PRKCE: variants seen among roughly 807,000 people sequenced by gnomAD.
PRKCE encodes the protein protein kinase C epsilon type.
Under a neutral mutation model 85.4 loss-of-function variants are expected in PRKCE, and 16 were observed. The observed-to-expected ratio is 0.19, with a 90% CI of 0.13 to 0.28. PRKCE has a LOEUF of 0.28. PRKCE is among the 10% of genes least tolerant of loss of function. The pLI, the probability that PRKCE is intolerant of heterozygous loss-of-function variation, is 1.00. For synonymous variants in PRKCE, 388 were observed against 371.5 expected (o/e 1.04, Z -0.51); for missense variants, 573 against 975.2 (o/e 0.59, Z 5.49).
In PRKCE at chr2:46,184,162, G is replaced by T. The variant is rs1037949758; in HGVS notation, c.2068-573G>T. 6.6e-6 allele frequency among the ~76,000 whole-genome samples: 1 copy of T among 152,160 alleles called. No homozygotes were observed. The highest frequency in any genetic ancestry group is 1.5e-5 in the Non-Finnish European group (1 of 68,032). ...TTGGTCTAGACAAAAGCATAAAAAC[G>T]TCATTGCAAGTCAATGTGCTGAGTT... On this transcript the variant is annotated intron_variant, in intron 14 of 14. Coordinates refer to ENST00000306156, the MANE Select transcript of PRKCE (RefSeq NM_005400.3). This position sits in a 1 kb window ranked among gnomAD's most constrained non-coding sequence, Gnocchi z 5.0.
At chr2:45,974,620 T>A (rs535567603) in intron 2 of PRKCE, among the ~76,000 whole-genome samples, 1 of 152,262 alleles carries the variant, frequency 6.6e-6, no homozygotes, top group South Asian at 2.1e-4. Context: ...TTTACCTCCT[T>A]CAATTTTACC....
intron 1 of PRKCE, among the ~76,000 whole-genome samples, chr2:45,827,609 C>T (rs1370831905): frequency 2.0e-5 from 3 of 152,192 alleles, no homozygotes; most frequent in African/African-American, 4.8e-5. Flanking sequence ...ATAATTTGTA[C>T]TTCAAAACTT....
chr2:45,729,808 G>A (rs1157250466), intron 1 of PRKCE, among the ~76,000 whole-genome samples: 5 of 152,140 alleles, frequency 3.3e-5, no homozygotes, highest in Non-Finnish European at 5.9e-5. Context: ...ATCCTTGACC[G>A]GAGGAAGAAC....
chr2:45,763,276 A>G (rs1684661838), intron 1 of PRKCE, among the ~76,000 whole-genome samples: 1 of 152,128 alleles, frequency 6.6e-6, no homozygotes, highest in Non-Finnish European at 1.5e-5. Flanking sequence ...TTCTTTGGCC[A>G]GTCTACATCT....
intron 2 of PRKCE, among the ~76,000 whole-genome samples, chr2:45,974,428 T>G (rs896372274): frequency 6.6e-6 from 1 of 152,086 alleles, no homozygotes; most frequent in African/African-American, 2.4e-5. Flanking sequence ...GAAACCCAGG[T>G]GGGCTAGGGG....
chr2:45,790,217 T>C (rs796571999), intron 1 of PRKCE, among the ~76,000 whole-genome samples: 3 of 152,336 alleles, frequency 2.0e-5, no homozygotes, highest in African/African-American at 7.2e-5. Flanking sequence ...GGATGAAATG[T>C]GCAGCTGAAT....
At chr2:45,996,690 A>G (rs1183474066) in intron 6 of PRKCE, among the ~76,000 whole-genome samples, 1 of 152,120 alleles carries the variant, frequency 6.6e-6, no homozygotes, top group South Asian at 2.1e-4. Flanking sequence ...GATAAATCCT[A>G]CTTGGTCATG....
At chr2:45,713,448 G>A (rs1679834629) in intron 1 of PRKCE, among the ~76,000 whole-genome samples, 1 of 152,142 alleles carries the variant, frequency 6.6e-6, no homozygotes, top group South Asian at 2.1e-4. Flanking sequence ...TTACTGATTG[G>A]GAGGCTGAGC....
At chr2:45,935,802 G>A (rs1020524086) in intron 2 of PRKCE, among the ~76,000 whole-genome samples, 3 of 144,456 alleles carry the variant, frequency 2.1e-5, no homozygotes, top group African/African-American at 7.5e-5. Flanking sequence ...AAAAAAAATC[G>A]CAGCTTAGCT....
chr2:45,915,087 C>G (rs140729311), intron 2 of PRKCE, among the ~76,000 whole-genome samples: 1 of 152,336 alleles, frequency 6.6e-6, no homozygotes, highest in African/African-American at 2.4e-5. Flanking sequence ...TGGGGTTTCA[C>G]CATGTTGGCC....
intron 1 of PRKCE, among the ~76,000 whole-genome samples, chr2:45,785,334 TA>T (rs915152752): frequency 2.0e-5 from 3 of 151,854 alleles, no homozygotes; most frequent in Admixed American, 2.0e-4. Context: ...CTACTAAAAT[TA>T]CAAAAATTAG....
intron 1 of PRKCE, among the ~76,000 whole-genome samples, chr2:45,811,626 C>A (rs189925052): frequency 1.3e-5 from 2 of 152,230 alleles, no homozygotes; most frequent in Admixed American, 1.3e-4. Flanking sequence ...CTATGTATGG[C>A]TCTAAAAAAC....
chr2:46,061,134 G>T (rs1667084584), intron 10 of PRKCE, among the ~76,000 whole-genome samples: 1 of 136,958 alleles, frequency 7.3e-6, no homozygotes, highest in South Asian at 2.3e-4. Flanking sequence ...TTTGAGACAG[G>T]GTCTTACTCC....
At chr2:46,010,276 A>G in intron 9 of PRKCE, 68 bp from the exon 10 acceptor site, 2 of 1,453,994 alleles carry the variant, frequency 1.4e-6, no homozygotes, top group South Asian at 3.0e-5. Context: ...AGTATTTGGT[A>G]TTAGCTTACA....
chr2:46,005,107 C>A (rs1705062995), intron 8 of PRKCE, among the ~76,000 whole-genome samples: 2 of 152,118 alleles, frequency 1.3e-5, no homozygotes, highest in African/African-American at 4.8e-5. Context: ...GTCTTCTATC[C>A]TGGCCTTTGG....
In PRKCE at chr2:45,848,186, G is replaced by A. The variant is rs72872472; in HGVS notation, c.412+5123G>A. ...GGTTCTCTCAGATTCAAGCCCCACT[G>A]GAGCTTCAATTCATAAGAATTTTAC... On this transcript the variant is annotated intron_variant, in intron 2 of 14. Transcript: ENST00000306156. Among the ~76,000 whole-genome samples, 430 of 152,226 alleles carry A rather than the reference G, an allele frequency of 2.8e-3. 3 individuals carry two copies. The highest frequency in any genetic ancestry group is 0.01 in the African/African-American group (418 of 41,518).
intron 1 of PRKCE, among the ~76,000 whole-genome samples, chr2:45,703,631 A>G (rs1442002693): frequency 6.6e-6 from 1 of 152,014 alleles, no homozygotes; most frequent in Non-Finnish European, 1.5e-5. Context: ...AGAACCTTGC[A>G]CTTGAAGGAC....
intron 1 of PRKCE, among the ~76,000 whole-genome samples, chr2:45,678,225 T>G (rs1167113488): frequency 6.6e-6 from 1 of 152,258 alleles, no homozygotes; most frequent in African/African-American, 2.4e-5. Flanking sequence ...TCAAATGCAT[T>G]CAGGATGTAT....
chr2:46,044,185 T>G (rs1161013679), intron 10 of PRKCE, among the ~76,000 whole-genome samples: 1 of 152,154 alleles, frequency 6.6e-6, no homozygotes, highest in Non-Finnish European at 1.5e-5. Context: ...AAGAGAAGAG[T>G]AACTTGGTGC....
Sources: allele counts gnomAD v4.1 joint callset (sites outside exome capture counted in the v4.1 genomes callset), GRCh38; gene constraint gnomAD v4.1.1; non-coding constraint Gnocchi (gnomAD v3.1); transcripts MANE v1.5; gene names NCBI Gene and HGNC (gene_info 2026-07-23, HGNC 2026-07-21).